Variants in CLDN1 observed in about 807,000 individuals in gnomAD.
CLDN1 encodes claudin 1, also known as claudin-1.
Under a neutral mutation model 22.6 loss-of-function variants are expected in CLDN1, and 12 were observed. The ratio of observed to expected loss-of-function variants is 0.53; its 90% CI spans 0.34 to 0.86. The LOEUF is 0.86. Ranked by LOEUF, CLDN1 falls within the 40% of genes least tolerant of loss-of-function variation. The pLI is 0.02. For missense variants in CLDN1, 250 were observed against 269.5 expected, an observed-to-expected ratio of 0.93 and a Z score of 0.51; for synonymous variants, 99 against 103.8, an observed-to-expected ratio of 0.95 and a Z score of 0.28.
chr3:190,322,012 T>C lies in CLDN1; in HGVS notation c.195A>G (p.Lys65=), dbSNP rs145197251. ...TCAGATTCAGCAAGGAGTCAAAGAC[T>C]TTGCACTGGATCTGCCCGGTGCTCT... ...VSQSTGQIQC[K]VFDSLLNLSS... Residue 65 remains lysine, a synonymous_variant, in exon 1 of 4, where the codon AAA becomes AAG. Transcript: ENST00000295522. The C allele has an allele frequency of 1.3e-4, 214 of 1,614,144 alleles. 1 individual carries two copies. In the African/African-American group the frequency reaches 2.4e-3, roughly 18 times the overall value.
chr3:190,318,545 G>A (rs1334174676), intron 1 of CLDN1, among the ~76,000 whole-genome samples: 1 of 152,074 alleles, frequency 6.6e-6, no homozygotes, highest in East Asian at 1.9e-4. Flanking sequence ...TTTTATAAGT[G>A]GGGTAACTAC....
At position 190,309,797 on chromosome 3, in the gene CLDN1, T is replaced by G. The variant is rs61499653; in HGVS notation, c.473+372A>C. Among the ~76,000 whole-genome samples, 1,168 of 152,334 alleles carry G rather than the reference T, an allele frequency of 7.7e-3. 17 individuals carry two copies. Among genetic ancestry groups the G allele is most frequent in the African/African-American group, 0.027 (1,123 of 41,570 alleles). On this transcript the variant is annotated intron_variant, in intron 3 of 3. Transcript: ENST00000295522. ...TAATTTTTCTCAATCAATCATAAACTGTGCATTAGTTACAAATAATCTTAG... is the reference window on the plus strand; with the variant it reads ...TAATTTTTCTCAATCAATCATAAACGGTGCATTAGTTACAAATAATCTTAG...
chr3:190,313,365 G>A, intron 1 of CLDN1: 53 of 303,286 alleles, frequency 1.7e-4, no homozygotes, highest in Non-Finnish European at 2.5e-4. Flanking sequence ...TTTTACTAAG[G>A]GATTTTCATC....
intron 1 of CLDN1, among the ~76,000 whole-genome samples, chr3:190,319,863 A>C (rs116437906): frequency 0.014 from 2,125 of 152,360 alleles, 45 homozygotes; most frequent in Non-Finnish European, 0.016. Flanking sequence ...AGAGAAATGA[A>C]GTAAGGTTTC....
intron 2 of CLDN1, 79 bp downstream of exon 2, chr3:190,312,793 T>C: frequency 6.6e-7 from 1 of 1,509,760 alleles, no homozygotes; most frequent in Non-Finnish European, 9.2e-7. Context: ...AAATCAAGTA[T>C]AATGAATCCA....
chr3:190,308,044 G>A lies in CLDN1; in HGVS notation c.*233C>T, dbSNP rs1163917844. On this transcript the variant is annotated 3_prime_UTR_variant, in exon 4 of 4. Coordinates refer to ENST00000295522, the MANE Select transcript of CLDN1 (RefSeq NM_021101.5). ...GAGTATGATTACTCAATGGGAAGCAGTAATACAAATGGAAAAATCTTCCCT... is the reference window on the plus strand; with the variant it reads ...GAGTATGATTACTCAATGGGAAGCAATAATACAAATGGAAAAATCTTCCCT... The A allele has an allele frequency of 1.0e-5, 5 of 477,838 alleles. No individual in the cohort carries two copies. The highest frequency in any genetic ancestry group is 1.9e-5 in the Non-Finnish European group (5 of 263,252). The allele number at this position is 477,838 out of a possible 1,614,324, so 29.6% of individuals were successfully genotyped here. A position where few individuals can be genotyped will look rare whatever the true frequency, so the allele number is the denominator to read the frequency against.
rs1421996539 is a variant in CLDN1, at chr3:190,322,045, G to T, written c.162C>A (p.Cys54Ter). The change falls in exon 1 of 4, where the codon TGC becomes TGA. Residue 54 changes from cysteine (C) to a stop codon, truncating the protein, a stop_gained. Coordinates refer to ENST00000295522, the MANE Select transcript of CLDN1 (RefSeq NM_021101.5). LOFTEE classifies it high-confidence loss of function. Reference sequence around the variant, plus strand: ...GGATCTGCCCGGTGCTCTGCGACACGCAGGACATCCACAGCCCCTCGTACA... The same window carrying T: ...GGATCTGCCCGGTGCTCTGCGACACTCAGGACATCCACAGCCCCTCGTACA... ...QAMYEGLWMS[C>*]VSQSTGQIQC... is the part of the protein sequence containing the mutation. 6.2e-7 allele frequency: 1 copy of T among 1,614,238 alleles called. No homozygotes were observed. The highest frequency in any genetic ancestry group is 8.5e-7 in the Non-Finnish European group (1 of 1,180,042).
In CLDN1 at chr3:190,307,453, C is replaced by CA. The variant is rs1344601886; in HGVS notation, c.*823dup. The CA allele has an allele frequency of 1.3e-5, 2 of 152,164 alleles. No homozygotes were observed. Among genetic ancestry groups the CA allele is most frequent in the Non-Finnish European group, 2.9e-5 (2 of 68,030 alleles). The allele number at this position is 152,164 out of a possible 1,614,324, so 9.4% of individuals were successfully genotyped here. A position where few individuals can be genotyped will look rare whatever the true frequency, so the allele number is the denominator to read the frequency against. On this transcript the variant is annotated 3_prime_UTR_variant, in exon 4 of 4. Transcript: ENST00000295522. ...ATTGGACAAATATTTTCAAAGCAAACAAGAGTGCTATGGGTCAGAGTACAG... is the reference window on the plus strand; with the variant it reads ...ATTGGACAAATATTTTCAAAGCAAACAAAGAGTGCTATGGGTCAGAGTACAG...
At chr3:190,313,731 GCCATGTTGTAAAA>G (rs1716687370) in intron 1 of CLDN1, among the ~76,000 whole-genome samples, 1 of 152,110 alleles carries the variant, frequency 6.6e-6, no homozygotes, top group South Asian at 2.1e-4. Flanking sequence ...TATTTAAGCT[GCCATGTTGTAAAA>G]TAGCACACAC....
In CLDN1 at chr3:190,312,959, C is replaced by T. The variant is rs1399101004; in HGVS notation, c.301G>A (p.Gly101Ser). ...GVIAIFVATV[G>S]MKCMKCLEDD... ...TCCAAGCACTTCATACACTTCATGC[C>T]AACGGTGGCCACAAAGATTGCTATC... The change falls in exon 2 of 4, where the codon GGC (glycine) becomes AGC (serine). Residue 101 changes from glycine to serine, a missense_variant. By Grantham distance (56) the Gly-to-Ser change is moderately conservative. Coordinates refer to ENST00000295522, the MANE Select transcript of CLDN1 (RefSeq NM_021101.5). 7 of 1,614,174 alleles carry T rather than the reference C, an allele frequency of 4.3e-6. No individual in the cohort carries two copies. Among genetic ancestry groups the T allele is most frequent in the Non-Finnish European group, 4.2e-6 (5 of 1,180,026 alleles).
Position 190,322,288 on chromosome 3 carries a change from G to A in CLDN1, c.-82C>T. 1 of 1,246,360 alleles carries A rather than the reference G, an allele frequency of 8.0e-7. No homozygotes were observed. The highest frequency in any genetic ancestry group is 1.2e-5 in the South Asian group (1 of 81,104). 77.2% of individuals were successfully genotyped at this position (1,246,360 alleles called of 1,614,324 possible). A position where few individuals can be genotyped will look rare whatever the true frequency, so the allele number is the denominator to read the frequency against. ...TTGCAGGTGGGCAACCCGGACTCCCGAAGGTGGCTGGGCCCCGCGGAGGAA... is the reference window on the plus strand; with the variant it reads ...TTGCAGGTGGGCAACCCGGACTCCCAAAGGTGGCTGGGCCCCGCGGAGGAA... On this transcript the variant is annotated 5_prime_UTR_variant, in exon 1 of 4. Transcript: ENST00000295522.
intron 1 of CLDN1, among the ~76,000 whole-genome samples, chr3:190,320,630 G>T (rs1716893283): frequency 6.6e-6 from 1 of 152,124 alleles, no homozygotes; most frequent in Non-Finnish European, 1.5e-5. Context: ...AACAGATTTG[G>T]AACAGGTTTA....
chr3:190,314,914 G>A (rs1485533531), intron 1 of CLDN1, among the ~76,000 whole-genome samples: 2 of 152,096 alleles, frequency 1.3e-5, no homozygotes, highest in Admixed American at 1.3e-4. Context: ...CAGAGGAACT[G>A]CTGGATCAAA....
Position 190,312,895 on chromosome 3 carries a change from C to A in CLDN1, c.365G>T (p.Gly122Val), listed in dbSNP as rs1340455726. 1 of 1,614,000 alleles carries A rather than the reference C, an allele frequency of 6.2e-7. No homozygotes were observed. The highest frequency in any genetic ancestry group is 1.3e-5 in the African/African-American group (1 of 74,900). Residue 122 changes from glycine (G) to valine (V), a missense_variant, in exon 2 of 4, where the codon GGG (glycine) becomes GTG (valine). Physicochemically the swap from Gly to Val is moderately radical, Grantham distance 109. Transcript: ENST00000295522. ...ACCTGCAAGAAGAAATATCGCACCC[C>A]CAATGACAGCCATCCTCATCTTCTG... ...EVQKMRMAVI[G>V]GAIFLLAGLA...
At chr3:190,313,124 A>C in intron 1 of CLDN1, 88 bp from the exon 2 acceptor site, 1 of 1,489,808 alleles carries the variant, frequency 6.7e-7, no homozygotes, top group Non-Finnish European at 9.3e-7. Context: ...TCACTGTTGT[A>C]TGGAAGAGAG....
rs1716892214 is a variant in CLDN1 at position 190,320,572 on chromosome 3, A to ATGC, written c.223+1411_223+1412insGCA. Among the ~76,000 whole-genome samples the ATGC allele has an allele frequency of 5.2e-5, 8 of 152,384 alleles. No individual in the cohort carries two copies. In the South Asian group the frequency reaches 1.7e-3, roughly 32 times the overall value. On this transcript the variant is annotated intron_variant, in intron 1 of 3. Coordinates refer to ENST00000295522, the MANE Select transcript of CLDN1 (RefSeq NM_021101.5). ...AAGCTGAAATAATAACACTCAAAAC[A>ATGC]ACCATGCACATTGACTGAGCAAATG...
At position 190,312,832 on chromosome 3, in the gene CLDN1, A is replaced by G. The variant is rs372708323; in HGVS notation, c.388+40T>C. ...TAATAGATTTCAAATCATACCAGGAACAGGTTAGTAAGGTGAAAGGGGGGC... is the reference window on the plus strand; with the variant it reads ...TAATAGATTTCAAATCATACCAGGAGCAGGTTAGTAAGGTGAAAGGGGGGC... On this transcript the variant is annotated intron_variant, in intron 2 of 3. Transcript: ENST00000295522. The G allele has an allele frequency of 2.5e-6, 4 of 1,606,478 alleles. No homozygotes were observed. In the African/African-American group the frequency reaches 5.4e-5, roughly 21 times the overall value.
At chr3:190,317,424 C>G (rs1716798517) in intron 1 of CLDN1, among the ~76,000 whole-genome samples, 1 of 152,090 alleles carries the variant, frequency 6.6e-6, no homozygotes, top group African/African-American at 2.4e-5. Flanking sequence ...AAAGTAAATA[C>G]TTACAAAGAT....
rs1716476352 is a variant in CLDN1 at position 190,307,134 on chromosome 3, T to G, written c.*1143A>C. On this transcript the variant is annotated 3_prime_UTR_variant, in exon 4 of 4. Coordinates refer to ENST00000295522, the MANE Select transcript of CLDN1 (RefSeq NM_021101.5). ...ACTGGTTAAGTATCATTATCTCAAT[T>G]TGGCAGATAGAAAAAAGAGGTAGAA... 2 of 152,632 alleles carry G rather than the reference T, an allele frequency of 1.3e-5. No individual in the cohort carries two copies. The highest frequency in any genetic ancestry group is 6.5e-5 in the Admixed American group (1 of 15,268). 9.5% of individuals were successfully genotyped at this position (152,632 alleles called of 1,614,324 possible). A position where few individuals can be genotyped will look rare whatever the true frequency, so the allele number is the denominator to read the frequency against.
Sources: allele counts gnomAD v4.1 joint callset (sites outside exome capture counted in the v4.1 genomes callset), GRCh38; gene constraint gnomAD v4.1.1; transcripts MANE v1.5; gene names NCBI Gene and HGNC (gene_info 2026-07-23, HGNC 2026-07-21).